Variants in LINGO1 observed in about 807,000 individuals in gnomAD.
The protein encoded by LINGO1 is leucine rich repeat and Ig domain containing 1, also known as leucine-rich repeat and immunoglobulin-like domain-containing nogo receptor-interacting protein 1.
A neutral mutation model predicts 37.3 loss-of-function variants in LINGO1; 11 were observed. The observed-to-expected ratio is 0.29, with a 90% CI of 0.19 to 0.49. LINGO1 has a LOEUF of 0.49. Ranked by LOEUF, LINGO1 falls within the 20% of genes least tolerant of loss-of-function variation. LINGO1 has a pLI of 0.99. For synonymous variants in LINGO1, 387 were observed against 403.0 expected, an observed-to-expected ratio of 0.96 and a Z score of 0.48; for missense variants, 585 against 878.2, an observed-to-expected ratio of 0.67 and a Z score of 4.22.
chr15:77,642,114 G>A (rs1452076256), intron 3 of LINGO1, among the ~76,000 whole-genome samples: 2 of 152,182 alleles, frequency 1.3e-5, no homozygotes, highest in Non-Finnish European at 2.9e-5. Flanking sequence ...CTCCACCTCT[G>A]CCTTCCACCC....
intron 2 of LINGO1, among the ~76,000 whole-genome samples, chr15:77,706,566 C>T (rs2075855460): frequency 6.6e-6 from 1 of 152,190 alleles, no homozygotes; most frequent in Non-Finnish European, 1.5e-5. Flanking sequence ...AGTTTCCTTC[C>T]AGCTCCTGAA....
At chr15:77,770,132 T>C (rs1345166390) in intron 1 of LINGO1, among the ~76,000 whole-genome samples, 1 of 152,130 alleles carries the variant, frequency 6.6e-6, no homozygotes, top group Admixed American at 6.5e-5. Flanking sequence ...GGGGACCCTG[T>C]GGTGTTCCCA....
chr15:77,808,148 C>T (rs1384202336), intron 1 of LINGO1, among the ~76,000 whole-genome samples: 5 of 152,020 alleles, frequency 3.3e-5, no homozygotes, highest in Non-Finnish European at 7.4e-5. Context: ...ATTCTGTAAA[C>T]CTCAGACCTG....
intron 2 of LINGO1, among the ~76,000 whole-genome samples, chr15:77,713,442 A>G (rs951959347): frequency 1.3e-5 from 2 of 151,788 alleles, no homozygotes; most frequent in African/African-American, 4.8e-5. Context: ...TCTATGTAAC[A>G]CTCATGAAAT....
At chr15:77,767,791 T>C (rs1244750206) in intron 1 of LINGO1, among the ~76,000 whole-genome samples, 1 of 152,138 alleles carries the variant, frequency 6.6e-6, no homozygotes, top group African/African-American at 2.4e-5. Flanking sequence ...AAAACCGAGT[T>C]GTGAAGAAAG....
chr15:77,674,882 GT>G (rs974699709), intron 3 of LINGO1, among the ~76,000 whole-genome samples: 11 of 151,916 alleles, frequency 7.2e-5, no homozygotes, highest in African/African-American at 2.7e-4. Context: ...TATTTCGTGA[GT>G]TTTGTTCACT....
chr15:77,790,917 T>A (rs1359256646), upstream of LINGO1, among the ~76,000 whole-genome samples: 1 of 152,180 alleles, frequency 6.6e-6, no homozygotes, highest in African/African-American at 2.4e-5. Context: ...AGGACCACGA[T>A]CTCAGGGATA....
chr15:77,617,629 C>A (rs2073774222), intron 1 of LINGO1, among the ~76,000 whole-genome samples: 1 of 152,244 alleles, frequency 6.6e-6, no homozygotes, highest in South Asian at 2.1e-4. Context: ...TTCATGGCCA[C>A]AGGCCATCCA....
At chr15:77,704,626 T>C (rs1029652403) in intron 2 of LINGO1, among the ~76,000 whole-genome samples, 6 of 148,914 alleles carry the variant, frequency 4.0e-5, no homozygotes, top group African/African-American at 7.5e-5. Context: ...AGCTGAGCTC[T>C]GACCCTGGCC....
At position 77,812,773 on chromosome 15, in the gene LINGO1, C is replaced by CGGGGAGAG. The variant is rs2077016286; in HGVS notation, c.-458+7477_-458+7484dup. Among the ~76,000 whole-genome samples the CGGGGAGAG allele has an allele frequency of 4.6e-5, 7 of 152,356 alleles. No individual in the cohort carries two copies. The South Asian group carries it at 1.5e-3, about 32-fold the overall frequency. On this transcript the variant is annotated intron_variant, in intron 1 of 5. Coordinates refer to the LINGO1 transcript ENST00000562933. ...AATTGCTGAGTGCCGTGCAATTCAT[C>CGGGGAGAG]GGGGAGAGTTATGTATGGCTAGTGA... is the stretch of plus-strand genomic sequence containing the variant.
At chr15:77,728,645 T>C (rs1302348486) in intron 2 of LINGO1, among the ~76,000 whole-genome samples, 1 of 152,240 alleles carries the variant, frequency 6.6e-6, no homozygotes, top group Non-Finnish European at 1.5e-5. Context: ...CCCGTTTCCA[T>C]GTCTGCAATG....
At chr15:77,676,942 C>T (rs964240651) in intron 3 of LINGO1, 1 of 152,316 alleles carries the variant, frequency 6.6e-6, no homozygotes, top group Non-Finnish European at 1.5e-5. Flanking sequence ...GGCCTTCAAA[C>T]CCCACACTGT....
At chr15:77,734,738 G>A (rs1039299357) in intron 2 of LINGO1, among the ~76,000 whole-genome samples, 4 of 152,056 alleles carry the variant, frequency 2.6e-5, no homozygotes, top group Middle Eastern at 3.4e-3. Context: ...GGCCCCCAGC[G>A]CCTATAACCC....
chr15:77,675,070 CAT>C (rs1020207911), intron 3 of LINGO1, among the ~76,000 whole-genome samples: 1 of 152,052 alleles, frequency 6.6e-6, no homozygotes, highest in African/African-American at 2.4e-5. Context: ...GTCTAAGAAA[CAT>C]AGAGTAAAAT....
chr15:77,634,377 C>T (rs1567474746), upstream of LINGO1: 1 of 455,640 alleles, frequency 2.2e-6, no homozygotes, highest in East Asian at 6.9e-5. Context: ...TCTCCTATGT[C>T]TATGCCCATC....
rs72451354 is a variant in LINGO1 at position 77,705,174 on chromosome 15, GACACACACACACACAC to G, written c.-194-14289_-194-14274del. ...GAAGATACCCCCCTCCCCCTGCCAT[GACACACACACACACAC>G]ACACACACACACACACCAGTCCACT... On this transcript the variant is annotated intron_variant, in intron 2 of 3. Coordinates refer to the LINGO1 transcript ENST00000561686. Among the ~76,000 whole-genome samples the G allele has an allele frequency of 8.2e-3, 814 of 99,140 alleles. 14 individuals carry two copies. Among genetic ancestry groups the G allele is most frequent in the African/African-American group, 0.029 (781 of 26,516 alleles). The allele number at this position is 99,140 out of a possible 152,430, so 65.0% of individuals were successfully genotyped here.
chr15:77,808,418 A>G (rs1248882484), intron 1 of LINGO1, among the ~76,000 whole-genome samples: 1 of 152,144 alleles, frequency 6.6e-6, no homozygotes, highest in Non-Finnish European at 1.5e-5. Context: ...ATCTGGATCC[A>G]GTGCAGGGAA....
At chr15:77,806,667 A>C (rs1296573044) in intron 1 of LINGO1, among the ~76,000 whole-genome samples, 1 of 152,100 alleles carries the variant, frequency 6.6e-6, no homozygotes, top group African/African-American at 2.4e-5. Flanking sequence ...AGGCCTATGA[A>C]CTGGACGCCT....
At chr15:77,649,044 G>GACTTT (rs2074700163) in intron 3 of LINGO1, 1 of 152,176 alleles carries the variant, frequency 6.6e-6, no homozygotes, top group African/African-American at 2.4e-5. Flanking sequence ...CCAAACATAG[G>GACTTT]GAAGTGCCTT....
Sources: allele counts gnomAD v4.1 joint callset (sites outside exome capture counted in the v4.1 genomes callset), GRCh38; gene constraint gnomAD v4.1.1; transcripts MANE v1.5; gene names NCBI Gene and HGNC (gene_info 2026-07-23, HGNC 2026-07-21).